GRIK1: variants seen among roughly 807,000 people sequenced by gnomAD.
The protein encoded by GRIK1 is glutamate ionotropic receptor kainate type subunit 1.
A neutral mutation model predicts 105.7 loss-of-function variants in GRIK1; 69 were observed. The observed-to-expected ratio is 0.65, with a 90% confidence interval of 0.54 to 0.80. GRIK1 has a LOEUF of 0.80. GRIK1 is among the 30% of genes least tolerant of loss of function. The pLI is 0.00. For synonymous variants in GRIK1, 438 were observed against 431.3 expected (o/e 1.02, Z -0.19); for missense variants, 1,109 against 1,167.3 (o/e 0.95, Z 0.73).
At chr21:29,687,569 T>A (rs1436546465) in intron 3 of GRIK1, among the ~76,000 whole-genome samples, 2 of 152,230 alleles carry the variant, frequency 1.3e-5, no homozygotes, top group African/African-American at 4.8e-5. Context: ...ACATACGAAA[T>A]CATTTTGGAT....
intron 1 of GRIK1, among the ~76,000 whole-genome samples, chr21:29,766,421 A>G (rs896399029): frequency 6.6e-6 from 1 of 152,124 alleles, no homozygotes; most frequent in African/African-American, 2.4e-5. Context: ...GCCCCCCACA[A>G]TGAAGAATAA....
At chr21:29,887,679 C>T (rs2069685160) in intron 1 of GRIK1, among the ~76,000 whole-genome samples, 1 of 152,092 alleles carries the variant, frequency 6.6e-6, no homozygotes, top group Non-Finnish European at 1.5e-5. Context: ...CAGCCTGGAC[C>T]TAAGTTACTA....
chr21:29,678,223 G>A (rs552393866), intron 3 of GRIK1, among the ~76,000 whole-genome samples: 1 of 152,044 alleles, frequency 6.6e-6, no homozygotes, highest in Admixed American at 6.6e-5. Context: ...ATTCTTAAGG[G>A]GATCTGTGCA....
At position 29,841,569 on chromosome 21, in the gene GRIK1, G is replaced by A. The variant is rs141832073; in HGVS notation, c.118+97814C>T. Among the ~76,000 whole-genome samples the A allele has an allele frequency of 1.2e-3, 188 of 152,072 alleles. 2 individuals carry two copies. The highest frequency in any genetic ancestry group is 4.3e-3 in the African/African-American group (180 of 41,502). Reference sequence around the variant, plus strand: ...TAGAATAATGATTCCATCTTTAGCCGTCAGCTGATCCACATATAGTCAACA... The same window carrying A: ...TAGAATAATGATTCCATCTTTAGCCATCAGCTGATCCACATATAGTCAACA... On this transcript the variant is annotated intron_variant, in intron 1 of 17. Coordinates refer to ENST00000327783, the MANE Select transcript of GRIK1 (RefSeq NM_001330994.2).
chr21:29,881,820 G>A (rs1569185818), intron 1 of GRIK1, among the ~76,000 whole-genome samples: 1 of 152,104 alleles, frequency 6.6e-6, no homozygotes, highest in Non-Finnish European at 1.5e-5. Flanking sequence ...GCAGTAAAGT[G>A]TGCTCCACAA....
At chr21:29,939,287 G>T in intron 1 of GRIK1, 96 bp downstream of exon 1, 1 of 726,432 alleles carries the variant, frequency 1.4e-6, no homozygotes, top group Non-Finnish European at 2.4e-6. Context: ...TCCGGCTCCT[G>T]CGCCGCCGCG....
chr21:29,647,009 C>A (rs2146542061), intron 6 of GRIK1, among the ~76,000 whole-genome samples: 1 of 152,238 alleles, frequency 6.6e-6, no homozygotes, highest in East Asian at 1.9e-4. Context: ...CCACGCCCAG[C>A]TAATTTTTGT....
intron 1 of GRIK1, among the ~76,000 whole-genome samples, chr21:29,750,599 G>A (rs2065169432): frequency 6.6e-6 from 1 of 152,144 alleles, no homozygotes; most frequent in Non-Finnish European, 1.5e-5. Flanking sequence ...GTAAAGGTAG[G>A]ACGCCAAGCA....
chr21:29,850,849 AT>A (rs199871674), intron 1 of GRIK1, among the ~76,000 whole-genome samples: 3,727 of 152,322 alleles, frequency 0.024, 164 homozygotes, highest in African/African-American at 0.086. Context: ...CAATGTTTGT[AT>A]AAAAGCCAGA....
intron 1 of GRIK1, among the ~76,000 whole-genome samples, chr21:29,862,685 A>T (rs1482485158): frequency 6.6e-6 from 1 of 152,242 alleles, no homozygotes; most frequent in Non-Finnish European, 1.5e-5. Flanking sequence ...GGTTTACTGT[A>T]GGAAACAAAA....
chr21:29,850,296 A>T (rs1055366589), intron 1 of GRIK1, among the ~76,000 whole-genome samples: 4 of 152,214 alleles, frequency 2.6e-5, no homozygotes, highest in African/African-American at 9.6e-5. Context: ...ATAATTCAGC[A>T]GATGTAAATT....
chr21:29,813,331 A>C (rs1311323890), intron 1 of GRIK1, among the ~76,000 whole-genome samples: 1 of 152,140 alleles, frequency 6.6e-6, no homozygotes, highest in Non-Finnish European at 1.5e-5. Flanking sequence ...CACTTTACCC[A>C]AACTAAGTGT....
intron 1 of GRIK1, among the ~76,000 whole-genome samples, chr21:29,751,756 C>A (rs1261178330): frequency 6.6e-6 from 1 of 152,192 alleles, no homozygotes; most frequent in African/African-American, 2.4e-5. Context: ...ACTGGTACAT[C>A]TGATTTTTAC....
intron 4 of GRIK1, among the ~76,000 whole-genome samples, chr21:29,660,692 T>A (rs1568945108): frequency 6.6e-6 from 1 of 152,216 alleles, no homozygotes; most frequent in Non-Finnish European, 1.5e-5. Context: ...TTTTTTCCAT[T>A]GAAAAATAGG....
chr21:29,893,093 A>T (rs187686180), intron 1 of GRIK1, among the ~76,000 whole-genome samples: 3 of 152,176 alleles, frequency 2.0e-5, no homozygotes, highest in Non-Finnish European at 4.4e-5. Flanking sequence ...CAGTTGTTGA[A>T]ATTGGATGGA....
intron 13 of GRIK1, among the ~76,000 whole-genome samples, chr21:29,580,663 C>T (rs557628495): frequency 8.6e-4 from 130 of 152,006 alleles, no homozygotes; most frequent in Non-Finnish European, 1.6e-3. Context: ...ACATATATTC[C>T]GAACACAACA....
chr21:29,751,348 C>T (rs55892208), intron 1 of GRIK1, among the ~76,000 whole-genome samples: 6,510 of 152,280 alleles, frequency 0.043, 199 homozygotes, highest in Non-Finnish European at 0.066. Flanking sequence ...CACACCACCC[C>T]TACTGCAGCC....
At chr21:29,934,374 C>T (rs1215794023) in intron 1 of GRIK1, among the ~76,000 whole-genome samples, 1 of 152,176 alleles carries the variant, frequency 6.6e-6, no homozygotes, top group African/African-American at 2.4e-5. Context: ...GGGGAAAGAT[C>T]TGCTCATTTG....
chr21:29,750,065 AT>A (rs1414883553), intron 1 of GRIK1, among the ~76,000 whole-genome samples: 1 of 152,104 alleles, frequency 6.6e-6, no homozygotes, highest in African/African-American at 2.4e-5. Context: ...CCAACAAACT[AT>A]TTTTTTAATG....
Sources: gnomAD v4.1 joint callset for allele counts (sites outside exome capture counted in the v4.1 genomes callset) on GRCh38, gnomAD v4.1.1 for gene constraint, MANE v1.5 for transcripts, NCBI Gene and HGNC (gene_info 2026-07-23, HGNC 2026-07-21) for gene names.